The following TENM4 variants were observed in gnomAD, a reference collection of about 807,000 sequenced individuals.
The protein encoded by TENM4 is teneurin transmembrane protein 4, also known as teneurin-4.
In TENM4, 82 loss-of-function variants were observed where a neutral mutation model predicts 243.3. The observed-to-expected ratio is 0.34, with a 90% CI of 0.28 to 0.40. The LOEUF (loss-of-function observed/expected upper bound fraction) is 0.40. Among genes scored for constraint, TENM4 ranks in the 10% least tolerant of loss-of-function variants. The pLI is 1.00. For synonymous variants in TENM4, 1,412 were observed against 1,456.3 expected (o/e 0.97, Z 0.69); for missense variants, 3,138 against 3,673.3 (o/e 0.85, Z 3.77).
At chr11:78,662,699 A>C (rs540831369) in intron 32 of TENM4, among the ~76,000 whole-genome samples, 2 of 152,312 alleles carry the variant, frequency 1.3e-5, no homozygotes, top group South Asian at 4.1e-4. Flanking sequence ...CTGGCCCACT[A>C]TTGCTGAGTA....
intron 1 of TENM4, among the ~76,000 whole-genome samples, chr11:79,421,298 G>A (rs1303085831): frequency 6.6e-6 from 1 of 152,138 alleles, no homozygotes; most frequent in African/African-American, 2.4e-5. Context: ...CCATATGTAT[G>A]TGAAGGAGAA....
At chr11:79,370,728 T>C (rs539595613) in intron 1 of TENM4, among the ~76,000 whole-genome samples, 66 of 129,840 alleles carry the variant, frequency 5.1e-4, no homozygotes, top group Non-Finnish European at 7.6e-4. Context: ...AAATAACTTC[T>C]TAAAACTCCT....
chr11:79,267,465 T>C (rs1392941346), intron 2 of TENM4, among the ~76,000 whole-genome samples: 1 of 152,204 alleles, frequency 6.6e-6, no homozygotes, highest in African/African-American at 2.4e-5. Flanking sequence ...TGATGCTAGG[T>C]AAACTATATA....
intron 4 of TENM4, among the ~76,000 whole-genome samples, chr11:79,144,578 CAA>C (rs1862360133): frequency 6.6e-6 from 1 of 151,984 alleles, no homozygotes; most frequent in South Asian, 2.1e-4. Flanking sequence ...AACATATTCA[CAA>C]TGGAGTAATA....
intron 20 of TENM4, among the ~76,000 whole-genome samples, chr11:78,735,984 C>T (rs1055460057): frequency 6.6e-6 from 1 of 151,748 alleles, no homozygotes; most frequent in African/African-American, 2.4e-5. Context: ...CACTCTGTCA[C>T]CCAGGCTGGA....
chr11:79,211,411 A>C (rs1274597487), intron 3 of TENM4, among the ~76,000 whole-genome samples: 1 of 152,142 alleles, frequency 6.6e-6, no homozygotes, highest in Non-Finnish European at 1.5e-5. Context: ...CAGTTTTCAA[A>C]GTGTGCGCCA....
At chr11:79,068,324 A>G (rs1259108105) in intron 5 of TENM4, 1 of 152,278 alleles carries the variant, frequency 6.6e-6, no homozygotes, top group East Asian at 1.9e-4. Context: ...GAATACTAAA[A>G]ATGGCAGAGC....
At chr11:79,354,343 A>G (rs1265387108) in intron 1 of TENM4, among the ~76,000 whole-genome samples, 1 of 152,246 alleles carries the variant, frequency 6.6e-6, no homozygotes, top group Non-Finnish European at 1.5e-5. Flanking sequence ...GAAGGAAGTC[A>G]AGGGAAATGA....
At chr11:79,318,200 G>A (rs959671067) in intron 1 of TENM4, among the ~76,000 whole-genome samples, 1 of 152,020 alleles carries the variant, frequency 6.6e-6, no homozygotes, top group African/African-American at 2.4e-5. Flanking sequence ...ACTTTCCCCA[G>A]GGCCTACCGT....
intron 1 of TENM4, among the ~76,000 whole-genome samples, chr11:79,366,588 A>C (rs1857681669): frequency 6.6e-6 from 1 of 152,206 alleles, no homozygotes; most frequent in East Asian, 1.9e-4. Context: ...GGAGTTCCAA[A>C]GGTAATGTAA....
At chr11:79,294,761 A>G (rs1856419043) in intron 2 of TENM4, among the ~76,000 whole-genome samples, 2 of 152,198 alleles carry the variant, frequency 1.3e-5, no homozygotes, top group South Asian at 4.2e-4. Flanking sequence ...AGGCAGGAGA[A>G]TCGTTTGAAC....
At chr11:79,223,953 T>A (rs1864210619) in intron 2 of TENM4, among the ~76,000 whole-genome samples, 1 of 152,138 alleles carries the variant, frequency 6.6e-6, no homozygotes, top group South Asian at 2.1e-4. Context: ...AACTGTGGTG[T>A]GAGTTGTGAG....
intron 4 of TENM4, chr11:79,096,199 G>A (rs914493185): frequency 5.9e-5 from 9 of 152,210 alleles, no homozygotes; most frequent in Non-Finnish European, 1.2e-4. Context: ...GACCTGCTGT[G>A]CTGAGGATCA....
intron 1 of TENM4, among the ~76,000 whole-genome samples, chr11:79,347,259 C>G (rs976848424): frequency 6.6e-6 from 1 of 152,200 alleles, no homozygotes; most frequent in Non-Finnish European, 1.5e-5. Flanking sequence ...CTCTTACCCC[C>G]ATACCCCACT....
chr11:78,964,898 G>T (rs759772165), intron 6 of TENM4, among the ~76,000 whole-genome samples: 3 of 151,628 alleles, frequency 2.0e-5, no homozygotes, highest in Non-Finnish European at 2.9e-5. Flanking sequence ...TTTTGACAGG[G>T]TCTCTGTCAC....
intron 1 of TENM4, among the ~76,000 whole-genome samples, chr11:79,344,624 T>C (rs1427495578): frequency 6.6e-6 from 1 of 152,222 alleles, no homozygotes; most frequent in South Asian, 2.1e-4. Flanking sequence ...CAGACCATTT[T>C]GAAAGTCTCA....
At chr11:79,377,322 T>C (rs1332813510) in intron 1 of TENM4, among the ~76,000 whole-genome samples, 1 of 152,212 alleles carries the variant, frequency 6.6e-6, no homozygotes, top group African/African-American at 2.4e-5. Flanking sequence ...TAATTTGTTA[T>C]AGCAGCCACA....
intron 3 of TENM4, among the ~76,000 whole-genome samples, chr11:79,203,093 G>A (rs1280916013): frequency 6.6e-6 from 1 of 151,818 alleles, no homozygotes; most frequent in African/African-American, 2.4e-5. Context: ...AAAAGCCCAT[G>A]ATTGAGCTAT....
chr11:79,213,157 A>C (rs1863984537), intron 3 of TENM4, among the ~76,000 whole-genome samples: 1 of 152,140 alleles, frequency 6.6e-6, no homozygotes, highest in Admixed American at 6.5e-5. Flanking sequence ...TGGGAGGAGA[A>C]AGGCAGTGGG....
Sources: gnomAD v4.1 joint callset for allele counts (sites outside exome capture counted in the v4.1 genomes callset) on GRCh38, gnomAD v4.1.1 for gene constraint, MANE v1.5 for transcripts, NCBI Gene and HGNC (gene_info 2026-07-23, HGNC 2026-07-21) for gene names.